Variants in AGBL4 observed in about 807,000 individuals in gnomAD.
AGBL4 encodes the protein cytosolic carboxypeptidase 6.
Under a neutral mutation model 66.4 loss-of-function variants are expected in AGBL4, and 58 were observed. The observed-to-expected ratio is 0.87, with a 90% CI of 0.71 to 1.09. AGBL4 has a LOEUF of 1.09. Among genes scored for constraint, AGBL4 ranks in the 50% least tolerant of loss-of-function variants. AGBL4 has a pLI of 0.00. For synonymous variants in AGBL4, 234 were observed against 222.9 expected, an observed-to-expected ratio of 1.05 and a Z score of -0.44; for missense variants, 579 against 631.0, an observed-to-expected ratio of 0.92 and a Z score of 0.88.
chr1:49,983,918 C>T (rs1294324921), intron 1 of AGBL4, among the ~76,000 whole-genome samples: 1 of 152,178 alleles, frequency 6.6e-6, no homozygotes, highest in Non-Finnish European at 1.5e-5. Flanking sequence ...AGTTCCCAGC[C>T]ATGACGGGAC....
At chr1:49,593,391 A>C (rs1644790404) in intron 3 of AGBL4, among the ~76,000 whole-genome samples, 1 of 152,202 alleles carries the variant, frequency 6.6e-6, no homozygotes, top group Non-Finnish European at 1.5e-5. Flanking sequence ...TGGGTGACAG[A>C]GCAAGACTCT....
Position 49,325,231 on chromosome 1 carries a change from T to C in AGBL4, c.283-79367A>G, listed in dbSNP as rs561004885. 7.2e-5 allele frequency among the ~76,000 whole-genome samples: 11 copies of C among 152,334 alleles called. No individual in the cohort carries two copies. The South Asian group carries it at 2.3e-3, about 32-fold the overall frequency. On this transcript the variant is annotated intron_variant, in intron 3 of 13. Coordinates refer to ENST00000371839, the MANE Select transcript of AGBL4 (RefSeq NM_032785.4). Reference sequence around the variant, plus strand: ...TGGTAGAGACGGGTTTTCACCATGTTAGTCAGGATGATCTCGATCTCCTGA... The same window carrying C: ...TGGTAGAGACGGGTTTTCACCATGTCAGTCAGGATGATCTCGATCTCCTGA...
chr1:49,068,033 C>T (rs1436714051), intron 4 of AGBL4, among the ~76,000 whole-genome samples: 1 of 151,904 alleles, frequency 6.6e-6, no homozygotes, highest in Non-Finnish European at 1.5e-5. Context: ...CACTCAGTAC[C>T]TACACGTTCC....
At chr1:49,684,403 T>A (rs958922120) in intron 3 of AGBL4, among the ~76,000 whole-genome samples, 1 of 152,204 alleles carries the variant, frequency 6.6e-6, no homozygotes, top group Non-Finnish European at 1.5e-5. Flanking sequence ...GCAATATTTA[T>A]AAGTTTATGT....
chr1:49,838,571 A>G (rs549092525), intron 2 of AGBL4, among the ~76,000 whole-genome samples: 7 of 152,352 alleles, frequency 4.6e-5, no homozygotes, highest in Non-Finnish European at 7.3e-5. Flanking sequence ...ATGATAACCC[A>G]TAATTTGTAC....
intron 5 of AGBL4, among the ~76,000 whole-genome samples, chr1:48,926,183 C>T (rs1422555639): frequency 5.9e-5 from 9 of 152,286 alleles, no homozygotes; most frequent in Middle Eastern, 3.4e-3. Flanking sequence ...AAGAGCAAGA[C>T]GCTTGCAAGA....
intron 8 of AGBL4, among the ~76,000 whole-genome samples, chr1:48,637,389 C>T (rs554078089): frequency 1.3e-5 from 2 of 152,300 alleles, no homozygotes; most frequent in East Asian, 1.9e-4. Flanking sequence ...TTGGGGAATG[C>T]CCAGCATCTA....
chr1:49,779,663 G>C (rs917039127), intron 2 of AGBL4, among the ~76,000 whole-genome samples: 1 of 152,130 alleles, frequency 6.6e-6, no homozygotes, highest in Non-Finnish European at 1.5e-5. Context: ...CTGAGTCCCT[G>C]AAACTCCTTC....
At chr1:49,526,442 C>T (rs775526725) in intron 3 of AGBL4, among the ~76,000 whole-genome samples, 8 of 151,780 alleles carry the variant, frequency 5.3e-5, no homozygotes, top group Non-Finnish European at 8.8e-5. Flanking sequence ...TTGAAAGCTG[C>T]ATAATATAAA....
chr1:48,652,136 A>C lies in AGBL4; in HGVS notation c.839+1201T>G, dbSNP rs578140524. On this transcript the variant is annotated intron_variant, in intron 8 of 13. Transcript: ENST00000371839. ...AGGATCGCTTGAATCCAGGAGGTTG[A>C]GGCTGCAGTGAGCCATGACTGCACA... 3.9e-5 allele frequency among the ~76,000 whole-genome samples: 6 copies of C among 152,282 alleles called. No individual in the cohort carries two copies. The South Asian group carries it at 1.2e-3, about 32-fold the overall frequency.
Position 49,360,670 on chromosome 1 carries a change from G to A in AGBL4, c.283-114806C>T, listed in dbSNP as rs369386551. Among the ~76,000 whole-genome samples the A allele has an allele frequency of 3.3e-4, 50 of 152,192 alleles. 1 individual carries two copies. The South Asian group carries it at 9.6e-3, about 29-fold the overall frequency. ...TTAGTAGGTACCTTTCAATTCAGAG[G>A]AAAGCCCACTTCTCTATTATATTTC... is the stretch of plus-strand genomic sequence containing the variant. On this transcript the variant is annotated intron_variant, in intron 3 of 13. Transcript: ENST00000371839.
intron 3 of AGBL4, among the ~76,000 whole-genome samples, chr1:49,462,399 C>A (rs937032468): frequency 5.9e-5 from 9 of 151,650 alleles, no homozygotes; most frequent in Admixed American, 5.3e-4. Context: ...GAGTGAGGAA[C>A]CACACTGACC....
At chr1:49,388,746 C>A (rs942980219) in intron 3 of AGBL4, among the ~76,000 whole-genome samples, 1 of 152,024 alleles carries the variant, frequency 6.6e-6, no homozygotes, top group African/African-American at 2.4e-5. Flanking sequence ...ATTGTAGAAC[C>A]AAACTGCAAA....
At chr1:49,531,510 C>T (rs1280616703) in intron 3 of AGBL4, among the ~76,000 whole-genome samples, 1 of 152,054 alleles carries the variant, frequency 6.6e-6, no homozygotes, top group African/African-American at 2.4e-5. Context: ...CAGTCATAAA[C>T]TTACAATAAT....
At chr1:49,099,806 A>G (rs923474617) in intron 4 of AGBL4, among the ~76,000 whole-genome samples, 1 of 152,140 alleles carries the variant, frequency 6.6e-6, no homozygotes, top group African/African-American at 2.4e-5. Context: ...ATGAAAGTCA[A>G]ACTGAAAACT....
At chr1:49,948,033 T>TAAATATATTTATATATATAA (rs1258302810) in intron 1 of AGBL4, among the ~76,000 whole-genome samples, 1 of 28,444 alleles carries the variant, frequency 3.5e-5, no homozygotes, top group Non-Finnish European at 6.4e-5. Context: ...TATAAATATA[T>TAAATATATTTATATATATAA]ATACATATAA....
At chr1:48,683,658 A>T (rs1646488799) in intron 6 of AGBL4, among the ~76,000 whole-genome samples, 1 of 152,162 alleles carries the variant, frequency 6.6e-6, no homozygotes, top group Non-Finnish European at 1.5e-5. Context: ...AGAGGGGTGG[A>T]TTTGCTGTCC....
chr1:49,087,283 A>C (rs1280972654), intron 4 of AGBL4, among the ~76,000 whole-genome samples: 1 of 152,218 alleles, frequency 6.6e-6, no homozygotes, highest in Admixed American at 6.5e-5. Flanking sequence ...TATGGATAGG[A>C]ATGAAGATCA....
intron 6 of AGBL4, among the ~76,000 whole-genome samples, chr1:48,771,774 T>A (rs1401468418): frequency 6.6e-6 from 1 of 152,216 alleles, no homozygotes; most frequent in Non-Finnish European, 1.5e-5. Flanking sequence ...GAGCAAATGA[T>A]CTATTTGGAC....
Sources: gnomAD v4.1 joint callset for allele counts (sites outside exome capture counted in the v4.1 genomes callset) on GRCh38, gnomAD v4.1.1 for gene constraint, MANE v1.5 for transcripts, NCBI Gene and HGNC (gene_info 2026-07-23, HGNC 2026-07-21) for gene names.